COL22A1: variants seen among roughly 807,000 people sequenced by gnomAD.
COL22A1 encodes collagen alpha-1(XXII) chain.
A neutral mutation model predicts 248.9 loss-of-function variants in COL22A1; 221 were observed. That is an observed-to-expected ratio of 0.89 (90% CI 0.80 to 0.99). The LOEUF (loss-of-function observed/expected upper bound fraction) is 0.99. Ranked by LOEUF, COL22A1 falls within the 50% of genes least tolerant of loss-of-function variation. The probability of loss-of-function intolerance (pLI) is 0.00; values close to 1 mark genes in which losing one functional copy is unlikely to be tolerated. For missense variants in COL22A1, 2,240 were observed against 2,179.0 expected (o/e 1.03, Z -0.56); for synonymous variants, 891 against 793.4 (o/e 1.12, Z -2.07).
chr8:138,669,091 T>C (rs1004297396), intron 41 of COL22A1, among the ~76,000 whole-genome samples: 28 of 152,120 alleles, frequency 1.8e-4, no homozygotes, highest in African/African-American at 6.8e-4. Context: ...AGCACCTTGC[T>C]GGAGAGGCCT....
At chr8:138,897,800 G>GAA (rs796683127) in intron 1 of COL22A1, among the ~76,000 whole-genome samples, 3 of 144,060 alleles carry the variant, frequency 2.1e-5, no homozygotes, top group Admixed American at 7.0e-5. Context: ...AACAACAACA[G>GAA]AAAAAAAAAA....
In COL22A1 at chr8:138,655,917, C is replaced by T. The variant is rs372159699; in HGVS notation, c.3313G>A (p.Asp1105Asn). ...PGLSSLLSPG[D>N]INLLAKDVCN... Reference sequence around the variant, plus strand: ...TTTACCTTAGCCAAGAGATTTATGTCCCCTGGAGACAGTAGTGAAGAGAGG... The same window carrying T: ...TTTACCTTAGCCAAGAGATTTATGTTCCCTGGAGACAGTAGTGAAGAGAGG... Residue 1105 changes from aspartate (D) to asparagine (N), a missense_variant, in exon 45 of 65, where the codon GAC becomes AAC. Transcript: ENST00000303045. 71 of 1,612,632 alleles carry T rather than the reference C, an allele frequency of 4.4e-5. No homozygotes were observed. Among genetic ancestry groups the T allele is most frequent in the Non-Finnish European group, 5.8e-5 (68 of 1,178,832 alleles).
intron 1 of COL22A1, among the ~76,000 whole-genome samples, chr8:138,908,507 C>A (rs879886193): frequency 6.6e-6 from 1 of 152,230 alleles, no homozygotes; most frequent in African/African-American, 2.4e-5. Flanking sequence ...ATCTTATTCA[C>A]GTATGGCAGT....
chr8:138,702,340 T>C (rs1828035158), intron 31 of COL22A1, among the ~76,000 whole-genome samples: 1 of 152,214 alleles, frequency 6.6e-6, no homozygotes, highest in Non-Finnish European at 1.5e-5. Context: ...CTGAGTCTCA[T>C]TTTGATGAGC....
chr8:138,640,909 G>A (rs1286592089), intron 47 of COL22A1, among the ~76,000 whole-genome samples: 5 of 152,172 alleles, frequency 3.3e-5, no homozygotes, highest in African/African-American at 1.2e-4. Flanking sequence ...GGCAAAGTGG[G>A]TTGGGGACCA....
chr8:138,762,267 G>A (rs1301951999), intron 17 of COL22A1, 146 bp downstream of exon 17: 2 of 723,356 alleles, frequency 2.8e-6, no homozygotes, highest in Non-Finnish European at 4.6e-6. Context: ...CACAGCCGGG[G>A]TCTGGTCCTA....
chr8:138,830,323 C>A (rs145845376), intron 5 of COL22A1, among the ~76,000 whole-genome samples: 2 of 152,224 alleles, frequency 1.3e-5, no homozygotes, highest in South Asian at 2.1e-4. Context: ...AGATAAGGTG[C>A]GTCAATGCCC....
At chr8:138,772,413 G>A (rs1221064201) in intron 16 of COL22A1, among the ~76,000 whole-genome samples, 1 of 152,216 alleles carries the variant, frequency 6.6e-6, no homozygotes, top group Non-Finnish European at 1.5e-5. Context: ...GGGGTTCTAA[G>A]CAGCACAGAA....
intron 30 of COL22A1, among the ~76,000 whole-genome samples, chr8:138,707,263 A>G (rs200595317): frequency 6.6e-6 from 1 of 152,134 alleles, no homozygotes; most frequent in African/African-American, 2.4e-5. Context: ...TAGAAAAAGA[A>G]GGAATCCTCC....
At chr8:138,688,177 GT>G (rs33968286) in intron 37 of COL22A1, among the ~76,000 whole-genome samples, 65,679 of 147,806 alleles carry the variant, frequency 0.44, 14,771 homozygotes, top group African/African-American at 0.54. Flanking sequence ...TGGCCTCTGG[GT>G]TTTTTTTTTT....
chr8:138,623,837 G>A, intron 51 of COL22A1, 52 bp from the exon 52 acceptor site: 1 of 1,540,168 alleles, frequency 6.5e-7, no homozygotes, highest in South Asian at 1.2e-5. Flanking sequence ...TCGAGGGGAT[G>A]GAAAGACGAA....
At chr8:138,628,709 T>G (rs1388509724) in intron 50 of COL22A1, among the ~76,000 whole-genome samples, 1 of 151,918 alleles carries the variant, frequency 6.6e-6, no homozygotes, top group African/African-American at 2.4e-5. Flanking sequence ...AAGTCTTATT[T>G]AGTACAGTTT....
intron 16 of COL22A1, among the ~76,000 whole-genome samples, chr8:138,764,829 G>A (rs747222001): frequency 1.3e-5 from 2 of 152,142 alleles, no homozygotes; most frequent in South Asian, 4.1e-4. Flanking sequence ...AGGCATGGTG[G>A]TGGGCACCTG....
At chr8:138,844,677 G>A (rs529423654) in intron 3 of COL22A1, among the ~76,000 whole-genome samples, 9 of 151,966 alleles carry the variant, frequency 5.9e-5, no homozygotes, top group East Asian at 1.9e-4. Context: ...ATGTCCGGGC[G>A]CGGTGGCTCA....
chr8:138,677,353 C>A (rs150603470), intron 40 of COL22A1, among the ~76,000 whole-genome samples: 1 of 152,298 alleles, frequency 6.6e-6, no homozygotes, highest in African/African-American at 2.4e-5. Flanking sequence ...TGGCACAGAG[C>A]CCAGCACAGC....
At chr8:138,700,442 C>T (rs1235882955) in intron 31 of COL22A1, among the ~76,000 whole-genome samples, 2 of 152,074 alleles carry the variant, frequency 1.3e-5, no homozygotes, top group Admixed American at 6.6e-5. Context: ...ATCGGTAAAA[C>T]GGGAAAGAAA....
At chr8:138,649,567 C>T in intron 46 of COL22A1, 98 bp downstream of exon 46, 1 of 1,529,090 alleles carries the variant, frequency 6.5e-7, no homozygotes, top group South Asian at 1.3e-5. Context: ...ACCCCTCAAA[C>T]CCTGAACACC....
chr8:138,736,770 G>C (rs1453351696), intron 23 of COL22A1, among the ~76,000 whole-genome samples: 1 of 152,110 alleles, frequency 6.6e-6, no homozygotes, highest in East Asian at 1.9e-4. Context: ...AATCCAGGGA[G>C]CGAGAACAGC....
At chr8:138,596,329 T>A (rs1023868539) in intron 62 of COL22A1, among the ~76,000 whole-genome samples, 1 of 152,216 alleles carries the variant, frequency 6.6e-6, no homozygotes, top group African/African-American at 2.4e-5. Flanking sequence ...AGGGCCTTCA[T>A]ACATGTTGCT....
Sources: allele counts gnomAD v4.1 joint callset (sites outside exome capture counted in the v4.1 genomes callset), GRCh38; gene constraint gnomAD v4.1.1; transcripts MANE v1.5; gene names NCBI Gene and HGNC (gene_info 2026-07-23, HGNC 2026-07-21).